CEP89: variants seen among roughly 807,000 people sequenced by gnomAD.
CEP89 encodes the protein centrosomal protein of 89 kDa.
In CEP89, 95 loss-of-function variants were observed where a neutral mutation model predicts 97.6. The ratio of observed to expected loss-of-function variants is 0.97; its 90% CI spans 0.82 to 1.15. The LOEUF (loss-of-function observed/expected upper bound fraction) is 1.15. Ranked by LOEUF, CEP89 falls within the 50% of genes most tolerant of loss-of-function variation. The pLI is 0.00. For synonymous variants in CEP89, 354 were observed against 349.1 expected (o/e 1.01, Z -0.16); for missense variants, 869 against 947.7 (o/e 0.92, Z 1.09).
At chr19:32,953,966 T>C (rs930331446) in intron 3 of CEP89, among the ~76,000 whole-genome samples, 165 bp from the exon 4 acceptor site, 1 of 151,632 alleles carries the variant, frequency 6.6e-6, no homozygotes, top group Non-Finnish European at 1.5e-5. Flanking sequence ...CCTCGTGGGT[T>C]CACGCCATTC....
intron 14 of CEP89, among the ~76,000 whole-genome samples, chr19:32,904,933 A>T (rs1969858507): frequency 1.3e-5 from 2 of 152,220 alleles, no homozygotes; most frequent in Admixed American, 1.3e-4. Flanking sequence ...AAAGAAATAC[A>T]ATTAATTTTT....
intron 1 of CEP89, 86 bp from the exon 2 acceptor site, chr19:32,966,552 G>A: frequency 2.8e-6 from 2 of 721,678 alleles, no homozygotes; most frequent in Non-Finnish European, 4.2e-6. Context: ...GGCCTGCAAG[G>A]GGACACCTGC....
intron 2 of CEP89, among the ~76,000 whole-genome samples, chr19:32,964,021 G>A (rs1971230289): frequency 6.6e-6 from 1 of 150,970 alleles, no homozygotes; most frequent in Non-Finnish European, 1.5e-5. Context: ...TGAAGCAACT[G>A]GACTCATATA....
At chr19:32,911,280 C>T (rs932722925) in intron 14 of CEP89, among the ~76,000 whole-genome samples, 1 of 152,104 alleles carries the variant, frequency 6.6e-6, no homozygotes, top group African/African-American at 2.4e-5. Context: ...ACACATTGGT[C>T]GCAGGAGCAG....
intron 17 of CEP89, among the ~76,000 whole-genome samples, chr19:32,885,709 T>C (rs896990545): frequency 4.6e-5 from 7 of 152,224 alleles, no homozygotes; most frequent in African/African-American, 1.7e-4. Flanking sequence ...AATGTGCCCT[T>C]TCAGGACATA....
chr19:32,898,473 C>T (rs1014831566), intron 16 of CEP89, among the ~76,000 whole-genome samples: 14 of 152,096 alleles, frequency 9.2e-5, no homozygotes, highest in South Asian at 4.2e-4. Flanking sequence ...GTTAGATAGA[C>T]GAAATAAGTT....
intron 2 of CEP89, among the ~76,000 whole-genome samples, chr19:32,961,542 G>A (rs1971167854): frequency 7.5e-6 from 1 of 133,374 alleles, no homozygotes; most frequent in African/African-American, 2.9e-5. Context: ...TCGCGCCACT[G>A]CCCTCCAGCC....
chr19:32,968,360 T>G (rs1232110108), intron 1 of CEP89, among the ~76,000 whole-genome samples: 2 of 152,224 alleles, frequency 1.3e-5, no homozygotes, highest in African/African-American at 4.8e-5. Context: ...GCTATTCTCA[T>G]GCCTCAGCCT....
rs183293920 is a variant in CEP89 at position 32,947,324 on chromosome 19, T to C, written c.595+942A>G. ...ACAGATCTTTCCTAGTGGGCCACTG[T>C]GGGCCAGGTCTTTCCCCAAGCACTG... On this transcript the variant is annotated intron_variant, in intron 5 of 18. Transcript: ENST00000305768. 1.1e-4 allele frequency among the ~76,000 whole-genome samples: 17 copies of C among 152,272 alleles called. No homozygotes were observed. In the East Asian group the frequency reaches 3.1e-3, roughly 28 times the overall value.
chr19:32,882,216 A>C (rs1398246890), intron 17 of CEP89, among the ~76,000 whole-genome samples: 1 of 152,218 alleles, frequency 6.6e-6, no homozygotes, highest in Non-Finnish European at 1.5e-5. Flanking sequence ...AATAAAACCA[A>C]ATTTTAATGT....
intron 16 of CEP89, among the ~76,000 whole-genome samples, chr19:32,895,692 A>G (rs756230116): frequency 6.6e-5 from 10 of 151,638 alleles, no homozygotes; most frequent in Non-Finnish European, 1.2e-4. Context: ...CTCTTTGCCA[A>G]TGACATGATC....
In CEP89 at chr19:32,948,255, T is replaced by C; in HGVS notation, c.595+11A>G. ...TTATATTTTATAAAAATTGTGGTTT[T>C]TTTTTTCTACCTTTTTGTTGTGTCC... On this transcript the variant is annotated intron_variant, in intron 5 of 18. Coordinates refer to ENST00000305768, the MANE Select transcript of CEP89 (RefSeq NM_032816.5). 1 of 1,507,614 alleles carries C rather than the reference T, an allele frequency of 6.6e-7. No homozygotes were observed. The highest frequency in any genetic ancestry group is 9.0e-7 in the Non-Finnish European group (1 of 1,115,666). The allele number at this position is 1,507,614 out of a possible 1,614,324, so 93.4% of individuals were successfully genotyped here. A position where few individuals can be genotyped will look rare whatever the true frequency, so the allele number is the denominator to read the frequency against.
At chr19:32,921,295 C>A (rs1353852458) in intron 12 of CEP89, among the ~76,000 whole-genome samples, 1 of 151,974 alleles carries the variant, frequency 6.6e-6, no homozygotes. Context: ...GTGCTGCATG[C>A]AGGTTTAGCA....
chr19:32,931,261 G>A, intron 9 of CEP89, 168 bp downstream of exon 9: 1 of 582,920 alleles, frequency 1.7e-6, no homozygotes, highest in South Asian at 2.6e-5. Flanking sequence ...CGGGGAAGAA[G>A]GAAGGGAAGG....
intron 5 of CEP89, among the ~76,000 whole-genome samples, chr19:32,946,669 C>A (rs1330648485): frequency 6.6e-6 from 1 of 152,068 alleles, no homozygotes; most frequent in Non-Finnish European, 1.5e-5. Context: ...GGGGCGGTTT[C>A]CCCCATACTG....
At chr19:32,952,846 G>A (rs1376532892) in intron 4 of CEP89, among the ~76,000 whole-genome samples, 1 of 133,178 alleles carries the variant, frequency 7.5e-6, no homozygotes, top group Non-Finnish European at 1.6e-5. Flanking sequence ...TGAGGCTACA[G>A]TGAGCTATAA....
chr19:32,918,462 T>C, intron 12 of CEP89, 123 bp from the exon 13 acceptor site: 2 of 703,370 alleles, frequency 2.8e-6, no homozygotes, highest in Non-Finnish European at 5.0e-6. Flanking sequence ...CATGTCTTCA[T>C]GTTAAACATA....
rs1164568920 is a variant in CEP89, at chr19:32,899,143, T to TTTC, written c.1875+713_1875+714insGAA. On this transcript the variant is annotated intron_variant, in intron 16 of 18. Transcript: ENST00000305768. ...TGGTTTAATTAGCATTTTTTTTTTT[T>TTTC]TTTTAGGGACAGGGTCTTTCTCTGT... Among the ~76,000 whole-genome samples, 20 of 151,796 alleles carry TTTC rather than the reference T, an allele frequency of 1.3e-4. 3 individuals are homozygous for TTTC. Among genetic ancestry groups the TTTC allele is most frequent in the African/African-American group, 4.6e-4 (19 of 41,448 alleles).
intron 3 of CEP89, among the ~76,000 whole-genome samples, chr19:32,956,862 A>G (rs754064053): frequency 9.2e-5 from 14 of 152,118 alleles, no homozygotes; most frequent in Non-Finnish European, 1.5e-5. Context: ...ATCCCTGAAG[A>G]GGTGTGATAA....
Sources: gnomAD v4.1 joint callset for allele counts (sites outside exome capture counted in the v4.1 genomes callset) on GRCh38, gnomAD v4.1.1 for gene constraint, MANE v1.5 for transcripts, NCBI Gene and HGNC (gene_info 2026-07-23, HGNC 2026-07-21) for gene names.